Variants in CCDC171 observed in about 807,000 individuals in gnomAD.
CCDC171 encodes coiled-coil domain containing 171.
Under a neutral mutation model 168.2 loss-of-function variants are expected in CCDC171, and 177 were observed. The ratio of observed to expected loss-of-function variants is 1.05; its 90% CI spans 0.93 to 1.19. The LOEUF is 1.19. CCDC171 is among the 50% of genes most tolerant of loss of function. The probability of loss-of-function intolerance (pLI) is 0.00; values close to 1 mark genes in which losing one functional copy is unlikely to be tolerated. For missense variants in CCDC171, 1,991 were observed against 1,539.0 expected, an observed-to-expected ratio of 1.29 and a Z score of -4.91; for synonymous variants, 687 against 540.8, an observed-to-expected ratio of 1.27 and a Z score of -3.75.
intron 7 of CCDC171, among the ~76,000 whole-genome samples, chr9:15,642,341 GTGTATATATATATATATATA>G (rs1318769468): frequency 0.032 from 1,327 of 40,956 alleles, 45 homozygotes; most frequent in African/African-American, 0.084. Context: ...ACGTGTGTGT[GTGTATATATATATATATATA>G]TATATATATA....
intron 24 of CCDC171, among the ~76,000 whole-genome samples, chr9:15,908,440 G>T (rs1325406409): frequency 6.6e-6 from 1 of 151,084 alleles, no homozygotes; most frequent in African/African-American, 2.4e-5. Context: ...TCACTCATAG[G>T]TGGGAATTGA....
At chr9:15,780,628 C>T (rs537838188) in intron 20 of CCDC171, among the ~76,000 whole-genome samples, 10 of 152,240 alleles carry the variant, frequency 6.6e-5, no homozygotes, top group East Asian at 3.9e-4. Flanking sequence ...CTCCACATTT[C>T]GTGTGTATAT....
At chr9:15,625,749 G>T (rs573917090) in intron 7 of CCDC171, among the ~76,000 whole-genome samples, 2 of 152,122 alleles carry the variant, frequency 1.3e-5, no homozygotes, top group Non-Finnish European at 2.9e-5. Context: ...GTCAGGTAGC[G>T]TGATGCCTCC....
chr9:15,701,742 T>C (rs750711554), intron 11 of CCDC171, among the ~76,000 whole-genome samples: 1 of 152,152 alleles, frequency 6.6e-6, no homozygotes, highest in Non-Finnish European at 1.5e-5. Context: ...CAACTACATT[T>C]ATGTAATATC....
chr9:15,931,029 C>T (rs560921207), intron 25 of CCDC171, among the ~76,000 whole-genome samples: 2 of 151,704 alleles, frequency 1.3e-5, no homozygotes, highest in East Asian at 3.9e-4. Context: ...ACCATAGTCA[C>T]ATCCATGCAA....
chr9:15,959,787 G>A (rs1343374600), intron 25 of CCDC171, among the ~76,000 whole-genome samples: 1 of 152,096 alleles, frequency 6.6e-6, no homozygotes, highest in Non-Finnish European at 1.5e-5. Flanking sequence ...TTTCCTCCAT[G>A]CAGACCTATG....
At chr9:15,889,476 T>C (rs372376967) in intron 24 of CCDC171, among the ~76,000 whole-genome samples, 105 of 152,318 alleles carry the variant, frequency 6.9e-4, no homozygotes, top group African/African-American at 2.4e-3. Flanking sequence ...CTACTCTCTC[T>C]TGCATCTTGT....
chr9:15,663,894 C>T (rs2133104137), intron 8 of CCDC171, among the ~76,000 whole-genome samples: 1 of 152,284 alleles, frequency 6.6e-6, no homozygotes, highest in Admixed American at 6.5e-5. Context: ...GCGTGAGCCA[C>T]CGCGCCCGGC....
At chr9:16,106,112 C>T in the CCDC171 span, among the ~76,000 whole-genome samples, 1 of 152,166 alleles carries the variant, frequency 6.6e-6, no homozygotes. Flanking sequence ...AAGAGGGATT[C>T]CGGGGACAGT....
At chr9:15,689,887 A>G (rs2050668324) in intron 10 of CCDC171, among the ~76,000 whole-genome samples, 1 of 152,206 alleles carries the variant, frequency 6.6e-6, no homozygotes, top group African/African-American at 2.4e-5. Flanking sequence ...GAATCTAGAA[A>G]AAAATCCTTC....
chr9:16,073,417 A>C, the CCDC171 span, among the ~76,000 whole-genome samples: 16 of 152,150 alleles, frequency 1.1e-4, no homozygotes, highest in African/African-American at 3.6e-4. Context: ...TCTTTTTACA[A>C]GCACTCTGTT....
intron 10 of CCDC171, among the ~76,000 whole-genome samples, chr9:15,679,684 A>G (rs1300158810): frequency 6.6e-6 from 1 of 152,046 alleles, no homozygotes; most frequent in Admixed American, 6.6e-5. Context: ...CGAGTAGCTG[A>G]GACTGCAGAT....
chr9:15,952,165 A>G (rs1829265401), intron 25 of CCDC171, among the ~76,000 whole-genome samples: 1 of 152,102 alleles, frequency 6.6e-6, no homozygotes, highest in African/African-American at 2.4e-5. Context: ...TGGTGTTGAC[A>G]TCCTTGTCAA....
chr9:15,982,908 G>A (rs1277730877), intron 3 of CCDC171, among the ~76,000 whole-genome samples: 1 of 152,140 alleles, frequency 6.6e-6, no homozygotes, highest in Non-Finnish European at 1.5e-5. Context: ...TCTGCAAGAA[G>A]GTGATGCAGG....
chr9:16,011,765 T>A (rs1000853524), intron 3 of CCDC171, among the ~76,000 whole-genome samples: 1 of 152,214 alleles, frequency 6.6e-6, no homozygotes, highest in Non-Finnish European at 1.5e-5. Context: ...TCCCAAAGCT[T>A]ACAGTTAATT....
intron 3 of CCDC171, among the ~76,000 whole-genome samples, chr9:15,981,757 A>G (rs1386608092): frequency 6.6e-6 from 1 of 151,346 alleles, no homozygotes; most frequent in Admixed American, 6.6e-5. Flanking sequence ...TCCCTTTTCC[A>G]CCCCCACCTT....
intron 2 of CCDC171, among the ~76,000 whole-genome samples, chr9:15,570,499 A>T (rs372036857): frequency 7.6e-4 from 115 of 152,034 alleles, no homozygotes; most frequent in African/African-American, 2.6e-3. Flanking sequence ...TGCTTATTAA[A>T]CTTTTGGTGA....
intron 25 of CCDC171, among the ~76,000 whole-genome samples, chr9:15,965,605 C>T (rs1564081044): frequency 6.6e-6 from 1 of 152,200 alleles, no homozygotes; most frequent in Non-Finnish European, 1.5e-5. Flanking sequence ...CTAAATCTAG[C>T]ACAGTGCCTG....
chr9:15,762,413 A>G (rs1482534514), intron 18 of CCDC171, among the ~76,000 whole-genome samples: 2 of 152,204 alleles, frequency 1.3e-5, no homozygotes, highest in African/African-American at 4.8e-5. Flanking sequence ...CAAGCCAGGA[A>G]TGACATTGAA....
Sources: allele counts gnomAD v4.1 joint callset (sites outside exome capture counted in the v4.1 genomes callset), GRCh38; gene constraint gnomAD v4.1.1; transcripts MANE v1.5; gene names NCBI Gene and HGNC (gene_info 2026-07-23, HGNC 2026-07-21).